Variants in SLC8A2 observed in about 807,000 individuals in gnomAD.
SLC8A2 encodes solute carrier family 8 member A2, also known as sodium/calcium exchanger 2.
SLC8A2 carries 14 observed loss-of-function variants against 70.2 expected under a neutral mutation model. The ratio of observed to expected loss-of-function variants is 0.20; its 90% CI spans 0.13 to 0.31. The LOEUF (loss-of-function observed/expected upper bound fraction) is 0.31. SLC8A2 is among the 10% of genes least tolerant of loss of function. The probability of loss-of-function intolerance (pLI) is 1.00; values close to 1 mark genes in which losing one functional copy is unlikely to be tolerated. For missense variants in SLC8A2, 779 were observed against 1,320.1 expected, an observed-to-expected ratio of 0.59 and a Z score of 6.35; for synonymous variants, 575 against 594.3, an observed-to-expected ratio of 0.97 and a Z score of 0.47.
chr19:47,454,734 G>A (rs1332690415), intron 3 of SLC8A2, among the ~76,000 whole-genome samples: 1 of 152,112 alleles, frequency 6.6e-6, no homozygotes, highest in Non-Finnish European at 1.5e-5. Flanking sequence ...GGGCAGAGAG[G>A]GAAGAAGACT....
At chr19:47,445,929 G>C (rs1395691588) in intron 4 of SLC8A2, among the ~76,000 whole-genome samples, 1 of 152,182 alleles carries the variant, frequency 6.6e-6, no homozygotes, top group Non-Finnish European at 1.5e-5. Context: ...AAGCCAGACA[G>C]AGAGAGAGAA....
Position 47,466,341 on chromosome 19 carries a change from T to C in SLC8A2, c.63A>G (p.Ala21=). ...GCGGCAGGGAGGGGGTTGGGGTGGC[T>C]GCCCCGGAGCATGGGGGAGCCGCCA... ...LLLAAPPCSG[A]ATPTPSLPPP... The change falls in exon 2 of 10, where the codon GCA becomes GCG. Residue 21 remains alanine, a synonymous_variant. Transcript: ENST00000236877. The surrounding 1 kb of genome is among the most constrained non-coding windows in gnomAD (Gnocchi z 6.9). 1 of 1,458,076 alleles carries C rather than the reference T, an allele frequency of 6.9e-7. No individual in the cohort carries two copies. Among genetic ancestry groups the C allele is most frequent in the Non-Finnish European group, 9.1e-7 (1 of 1,104,422 alleles). 90.3% of individuals were successfully genotyped at this position (1,458,076 alleles called of 1,614,324 possible).
intron 1 of SLC8A2, among the ~76,000 whole-genome samples, chr19:47,467,176 T>C (rs1449549681): frequency 6.6e-6 from 1 of 152,158 alleles, no homozygotes; most frequent in East Asian, 1.9e-4. Flanking sequence ...CAGTGGAATA[T>C]TATAGAGCAC....
chr19:47,436,492 G>T (rs1233699942), intron 8 of SLC8A2, among the ~76,000 whole-genome samples: 2 of 152,214 alleles, frequency 1.3e-5, no homozygotes, highest in African/African-American at 4.8e-5. Flanking sequence ...CAAACAGTCT[G>T]GTGTTTCTAG....
chr19:47,432,264 G>C lies in SLC8A2; in HGVS notation c.2292C>G (p.Ala764=), dbSNP rs367751012. The part of the protein sequence containing the change: ...VSILVIGLLT[A]LIGDLASHFG... The stretch of plus-strand genomic sequence containing the variant: ...AGTGGGAGGCGAGGTCCCCAATGAG[G>C]GCGGTGAGCAGGCCGATGACCAGGA... Residue 764 remains alanine, a synonymous_variant, in exon 9 of 10, where the codon GCC becomes GCG. Transcript: ENST00000236877. The surrounding 1 kb of genome is among the most constrained non-coding windows in gnomAD (Gnocchi z 6.2). 1.2e-6 allele frequency: 2 copies of C among 1,614,038 alleles called. No individual in the cohort carries two copies. The highest frequency in any genetic ancestry group is 2.7e-5 in the African/African-American group (2 of 74,924).
At position 47,465,315 on chromosome 19, in the gene SLC8A2, AG is replaced by A. The variant is rs1174977433; in HGVS notation, c.675+413del. On this transcript the variant is annotated intron_variant, in intron 2 of 9. Transcript: ENST00000236877. This position sits in a 1 kb window ranked among gnomAD's most constrained non-coding sequence, Gnocchi z 5.5. Reference sequence around the variant, plus strand: ...CAAAAGCGGGAATCAGTTATGCAAAAGGTAGGGAGTGTAGGAAAACATGTGA... The same window carrying A: ...CAAAAGCGGGAATCAGTTATGCAAAAGTAGGGAGTGTAGGAAAACATGTGA... Among the ~76,000 whole-genome samples the A allele has an allele frequency of 1.3e-5, 2 of 152,118 alleles. No homozygotes were observed. The highest frequency in any genetic ancestry group is 2.4e-5 in the African/African-American group (1 of 41,456).
Position 47,457,373 on chromosome 19 carries a change from G to T in SLC8A2, c.897C>A (p.Gly299=). The T allele has an allele frequency of 1.9e-6, 3 of 1,545,946 alleles. No homozygotes were observed. The highest frequency in any genetic ancestry group is 2.6e-6 in the Non-Finnish European group (3 of 1,146,426). The change falls in exon 3 of 10, where the codon GGC becomes GGA. Residue 299 remains glycine (G), a synonymous_variant. Transcript: ENST00000236877. Reference sequence around the variant, plus strand: ...GCTCGCGCGCCTCGGCGGGGCCCGGGCCCAGGCCGCCCAGCTCACCTGGGG... The same window carrying T: ...GCTCGCGCGCCTCGGCGGGGCCCGGTCCCAGGCCGCCCAGCTCACCTGGGG... The part of the protein sequence containing the change: ...AEAPGELGGL[G]PGPAEARELD...
chr19:47,430,418 C>A lies in SLC8A2; in HGVS notation c.2437G>T (p.Ala813Ser), dbSNP rs1966941252. Residue 813 changes from alanine to serine, a missense_variant, in exon 10 of 10, where the codon GCG becomes TCG. Coordinates refer to ENST00000236877, the MANE Select transcript of SLC8A2 (RefSeq NM_015063.3). This position sits in a 1 kb window ranked among gnomAD's most constrained non-coding sequence, Gnocchi z 5.9. ...GAGCCGGTCACGTTGCCGATGGACG[C>A]GTCGGCGCACTGGTCCTGCAGCGCC... ...VAALQDQCAD[A>S]SIGNVTGSNA... 6.2e-7 allele frequency: 1 copy of A among 1,608,326 alleles called. No homozygotes were observed. The highest frequency in any genetic ancestry group is 1.3e-5 in the African/African-American group (1 of 75,002).
rs141784471 is a variant in SLC8A2, at chr19:47,454,268, A to T, written c.1340+2662T>A. Among the ~76,000 whole-genome samples, 21 of 152,246 alleles carry T rather than the reference A, an allele frequency of 1.4e-4. No individual in the cohort carries two copies. The East Asian group carries it at 4.1e-3, about 29-fold the overall frequency. On this transcript the variant is annotated intron_variant, in intron 3 of 9. Coordinates refer to ENST00000236877, the MANE Select transcript of SLC8A2 (RefSeq NM_015063.3). ...CAAAGCCTCAGGGCTCTAGATGGGG[A>T]CAGTGCGGACCAGGGGTGGGTAGGA...
chr19:47,471,162 G>A (rs1041029752), intron 1 of SLC8A2, among the ~76,000 whole-genome samples: 2 of 150,956 alleles, frequency 1.3e-5, no homozygotes, highest in Non-Finnish European at 1.5e-5. Flanking sequence ...AGAGAGACAT[G>A]CGGACATGGG....
At chr19:47,456,901 C>A in intron 3 of SLC8A2, 29 bp downstream of exon 3, 1 of 1,556,354 alleles carries the variant, frequency 6.4e-7, no homozygotes. Flanking sequence ...CGCCAGCCCC[C>A]TGCACACCCC....
chr19:47,460,782 AGACTCAGTCTGCT>A lies in SLC8A2; in HGVS notation c.676-3201_676-3189del, dbSNP rs554756538. Among the ~76,000 whole-genome samples the A allele has an allele frequency of 5.3e-4, 80 of 152,310 alleles. 1 individual carries two copies. In the East Asian group the frequency reaches 0.012, roughly 22 times the overall value. On this transcript the variant is annotated intron_variant, in intron 2 of 9. Coordinates refer to ENST00000236877, the MANE Select transcript of SLC8A2 (RefSeq NM_015063.3). ...ATTATCTTGGGCTTGCAGAGGCCTA[AGACTCAGTCTGCT>A]GGTGGCCCAGCACAGGCCTGGCACA... is the stretch of plus-strand genomic sequence containing the variant.
chr19:47,459,747 GTGTGTCCATC>G (rs1410381949), intron 2 of SLC8A2, among the ~76,000 whole-genome samples: 1 of 151,236 alleles, frequency 6.6e-6, no homozygotes, highest in Non-Finnish European at 1.5e-5. Context: ...ATGTGTACGT[GTGTGTCCATC>G]TGTGTGCATG....
At chr19:47,437,437 T>G (rs1367606718) in intron 8 of SLC8A2, 25 bp downstream of exon 8, 1 of 1,430,318 alleles carries the variant, frequency 7.0e-7, no homozygotes, top group South Asian at 1.1e-5. Context: ...TCTTTCTCTC[T>G]TCTCTCTCCT....
chr19:47,452,400 GAGAGAGAGAGAGAGA>G (rs2122636264), intron 3 of SLC8A2, among the ~76,000 whole-genome samples: 1 of 38,404 alleles, frequency 2.6e-5, no homozygotes, highest in East Asian at 7.6e-4. Flanking sequence ...TATATATGGA[GAGAGAGAGAGAGAGA>G]GAGAGAGAGA....
At chr19:47,460,979 G>C (rs1395865880) in intron 2 of SLC8A2, among the ~76,000 whole-genome samples, 1 of 151,610 alleles carries the variant, frequency 6.6e-6, no homozygotes, top group Non-Finnish European at 1.5e-5. Flanking sequence ...TTTGGGAGGC[G>C]GAAGTGGGTG....
Position 47,457,075 on chromosome 19 carries a change from CGAA to C in SLC8A2, c.1192_1194del (p.Phe398del). On this transcript the variant is annotated inframe_deletion, in exon 3 of 10. Coordinates refer to ENST00000236877, the MANE Select transcript of SLC8A2 (RefSeq NM_015063.3). ...TCCAGGCAGTGGTAGAGGCTAGGCT[CGAA>C]GAAGATGCGGCTGGCGCCGTCGTCT... 1 of 1,588,384 alleles carries C rather than the reference CGAA, an allele frequency of 6.3e-7. No homozygotes were observed.
In SLC8A2 at chr19:47,468,703, C is replaced by A. The variant is rs1174910176; in HGVS notation, c.-16-2284G>T. 1.3e-5 allele frequency among the ~76,000 whole-genome samples: 2 copies of A among 152,158 alleles called. No individual in the cohort carries two copies. Among genetic ancestry groups the A allele is most frequent in the African/African-American group, 4.8e-5 (2 of 41,454 alleles). On this transcript the variant is annotated intron_variant, in intron 1 of 9. Coordinates refer to ENST00000236877, the MANE Select transcript of SLC8A2 (RefSeq NM_015063.3). The surrounding 1 kb of genome is among the most constrained non-coding windows in gnomAD (Gnocchi z 5.1). ...TGACACCCTCCCCCTCTGGGGAGCACCCCTCCATTCCACAGGTGAGAGGAC... is the reference window on the plus strand; with the variant it reads ...TGACACCCTCCCCCTCTGGGGAGCAACCCTCCATTCCACAGGTGAGAGGAC...
At chr19:47,449,614 G>A (rs530817709) in intron 3 of SLC8A2, among the ~76,000 whole-genome samples, 4 of 152,282 alleles carry the variant, frequency 2.6e-5, no homozygotes, top group East Asian at 3.9e-4. Flanking sequence ...GTGAGCAACC[G>A]TGCCTGGCCA....
Sources: gnomAD v4.1 joint callset for allele counts (sites outside exome capture counted in the v4.1 genomes callset) on GRCh38, gnomAD v4.1.1 for gene constraint, Gnocchi (gnomAD v3.1) non-coding constraint, MANE v1.5 for transcripts, NCBI Gene and HGNC (gene_info 2026-07-23, HGNC 2026-07-21) for gene names.